NCKAP1L: variants seen among roughly 807,000 people sequenced by gnomAD.
NCKAP1L encodes nck-associated protein 1-like.
In NCKAP1L, 53 loss-of-function variants were observed where a neutral mutation model predicts 139.2. That is an observed-to-expected ratio of 0.38 (90% confidence interval 0.31 to 0.48). The LOEUF is 0.48. Ranked by LOEUF, NCKAP1L falls within the 20% of genes least tolerant of loss-of-function variation. The pLI, the probability that NCKAP1L is intolerant of heterozygous loss-of-function variation, is 0.98. For missense variants in NCKAP1L, 1,151 were observed against 1,381.9 expected (o/e 0.83, Z 2.65); for synonymous variants, 468 against 499.7 (o/e 0.94, Z 0.85).
At position 54,502,880 on chromosome 12, in the gene NCKAP1L, C is replaced by T. The variant is rs1395842717; in HGVS notation, c.306+2255C>T. On this transcript the variant is annotated intron_variant, in intron 3 of 30. Transcript: ENST00000293373. ...GGGCATGGTAGTGAGTGCCTGTAGT[C>T]CCAGCTGCTTAGGAGGCTGAGGCAG... Among the ~76,000 whole-genome samples, 3 of 148,862 alleles carry T rather than the reference C, an allele frequency of 2.0e-5. No homozygotes were observed. The Admixed American group carries it at 2.0e-4, about 10-fold the overall frequency.
At position 54,523,437 on chromosome 12, in the gene NCKAP1L, A is replaced by G. The variant is rs1474694345; in HGVS notation, c.1922A>G (p.Asn641Ser). ...GCCACTACAATCAGCAAAGCCAAGA[A>G]CAAGAAAACCAGGAAGCAGAGGCAG... is the stretch of plus-strand genomic sequence containing the variant. ...HCATTISKAK[N>S]KKTRKQRQTP... Residue 641 changes from asparagine (N) to serine (S), a missense_variant, in exon 19 of 31, where the codon AAC (asparagine) becomes AGC (serine). Physicochemically the swap from Asn to Ser is conservative, Grantham distance 46 (BLOSUM62 1). Transcript: ENST00000293373. The G allele has an allele frequency of 6.2e-7, 1 of 1,614,190 alleles. No homozygotes were observed. The highest frequency in any genetic ancestry group is 8.5e-7 in the Non-Finnish European group (1 of 1,180,036).
chr12:54,541,980 C>T (rs1957161366), intron 30 of NCKAP1L, among the ~76,000 whole-genome samples: 1 of 151,894 alleles, frequency 6.6e-6, no homozygotes, highest in South Asian at 2.1e-4. Flanking sequence ...CTCCGGGCAT[C>T]TTGATCTATC....
chr12:54,518,853 A>G, intron 14 of NCKAP1L, 61 bp from the exon 15 acceptor site: 1 of 1,504,486 alleles, frequency 6.6e-7, no homozygotes. Flanking sequence ...CTACCATTCT[A>G]TGTAGTTGGA....
intron 7 of NCKAP1L, among the ~76,000 whole-genome samples, chr12:54,511,078 A>G (rs1956884765): frequency 6.6e-6 from 1 of 152,250 alleles, no homozygotes; most frequent in Admixed American, 6.5e-5. Flanking sequence ...CTGATGGTAC[A>G]TGATTAGTGA....
chr12:54,534,886 C>T (rs1957102011), intron 26 of NCKAP1L, among the ~76,000 whole-genome samples: 1 of 152,044 alleles, frequency 6.6e-6, no homozygotes, highest in Non-Finnish European at 1.5e-5. Context: ...CCTGTAATCC[C>T]AGCACTTTGG....
At chr12:54,523,297 A>G in intron 18 of NCKAP1L, 97 bp from the exon 19 acceptor site, 1 of 1,391,092 alleles carries the variant, frequency 7.2e-7, no homozygotes, top group East Asian at 2.3e-5. Flanking sequence ...GAAAGATAAA[A>G]TAACAGACAA....
intron 9 of NCKAP1L, among the ~76,000 whole-genome samples, chr12:54,515,013 A>G (rs1331498806): frequency 1.3e-5 from 2 of 152,202 alleles, no homozygotes; most frequent in Admixed American, 1.3e-4. Context: ...AAATGATCTA[A>G]TTTATCTTCA....
Position 54,497,881 on chromosome 12 carries a change from A to G in NCKAP1L, c.92A>G (p.Asn31Ser), listed in dbSNP as rs1319664341. ...CAGGGGGTTCTCATCCGTATGTATAACATCAAGAAGGTAAGCATGAACAAT... is the reference window on the plus strand; with the variant it reads ...CAGGGGGTTCTCATCCGTATGTATAGCATCAAGAAGGTAAGCATGAACAAT... Reference protein sequence around the residue: ...RGQGVLIRMYNIKKTCSDPKS... With the variant: ...RGQGVLIRMYSIKKTCSDPKS... Residue 31 changes from asparagine to serine, a missense_variant, in exon 1 of 31, where the codon AAC (asparagine) becomes AGC (serine). Asn to Ser is a conservative substitution (Grantham distance 46, BLOSUM62 1). Transcript: ENST00000293373. 1 of 1,599,376 alleles carries G rather than the reference A, an allele frequency of 6.3e-7. No homozygotes were observed. Among genetic ancestry groups the G allele is most frequent in the African/African-American group, 1.3e-5 (1 of 74,628 alleles).
chr12:54,528,439 T>C, intron 22 of NCKAP1L, 62 bp downstream of exon 22: 2 of 1,571,076 alleles, frequency 1.3e-6, no homozygotes, highest in East Asian at 4.5e-5. Flanking sequence ...GCACAGAGAA[T>C]AAAAGACTAG....
At chr12:54,516,404 C>T in intron 10 of NCKAP1L, 109 bp downstream of exon 10, 1 of 986,076 alleles carries the variant, frequency 1.0e-6, no homozygotes, top group Non-Finnish European at 1.6e-6. Context: ...ATTGCCTCAA[C>T]CCAAGAACTT....
Position 54,517,566 on chromosome 12 carries a change from C to T in NCKAP1L, c.1129C>T (p.Arg377Cys), listed in dbSNP as rs1956943678. The T allele has an allele frequency of 3.1e-6, 5 of 1,613,980 alleles. No individual in the cohort carries two copies. The highest frequency in any genetic ancestry group is 4.2e-6 in the Non-Finnish European group (5 of 1,180,000). ...LFAFMALSFI[R>C]DEVTWLVRHT... ...TGCTTTCATGGCCCTGTCCTTCATT[C>T]GTGATGAGGTCACCTGGCTGGTTCG... The change falls in exon 12 of 31, where the codon CGT (arginine) becomes TGT (cysteine). Residue 377 changes from arginine (R) to cysteine (C), a missense_variant. Arg to Cys is a radical substitution (Grantham distance 180). Transcript: ENST00000293373.
chr12:54,538,470 C>T (rs1957130728), intron 29 of NCKAP1L, among the ~76,000 whole-genome samples: 1 of 152,142 alleles, frequency 6.6e-6, no homozygotes, highest in African/African-American at 2.4e-5. Flanking sequence ...TGGAGAATAC[C>T]ACGAGCAAGA....
At chr12:54,530,737 C>T (rs1957061751) in intron 22 of NCKAP1L, among the ~76,000 whole-genome samples, 1 of 152,198 alleles carries the variant, frequency 6.6e-6, no homozygotes, top group Admixed American at 6.5e-5. Context: ...CCTTCCTATG[C>T]CACATAATTC....
At chr12:54,523,609 G>A (rs1957004040) in intron 19 of NCKAP1L, 70 bp downstream of exon 19, 3 of 1,385,782 alleles carry the variant, frequency 2.2e-6, no homozygotes, top group African/African-American at 1.5e-5. Flanking sequence ...AAGAGGGAAG[G>A]TGACACAGAA....
At chr12:54,498,771 C>T (rs963708061) in intron 1 of NCKAP1L, 1 of 985,066 alleles carries the variant, frequency 1.0e-6, no homozygotes, top group African/African-American at 1.7e-5. Context: ...GGCGGGGAAA[C>T]AGCTTCCTCT....
rs755898531 is a variant in NCKAP1L, at chr12:54,499,347, C to T, written c.103-8C>T. ...AAGGGTTGAAATATATATGGTTTCT[C>T]TCTGCAGACTTGTTCAGACCCCAAA... On this transcript the variant is annotated splice_region_variant and splice_polypyrimidine_tract_variant and intron_variant, in intron 1 of 30. Transcript: ENST00000293373. 13 of 1,469,206 alleles carry T rather than the reference C, an allele frequency of 8.8e-6. No individual in the cohort carries two copies. The East Asian group carries it at 1.8e-4, about 20-fold the overall frequency. The allele number at this position is 1,469,206 out of a possible 1,614,324, so 91.0% of individuals were successfully genotyped here.
intron 3 of NCKAP1L, among the ~76,000 whole-genome samples, chr12:54,502,433 A>G (rs1956805430): frequency 6.6e-6 from 1 of 152,330 alleles, no homozygotes; most frequent in South Asian, 2.1e-4. Flanking sequence ...AATTTCTAGT[A>G]TAGTACAATG....
chr12:54,508,613 A>G lies in NCKAP1L; in HGVS notation c.506+82A>G. 5 of 1,396,648 alleles carry G rather than the reference A, an allele frequency of 3.6e-6. No homozygotes were observed. In the South Asian group the frequency reaches 5.1e-5, roughly 14 times the overall value. 86.5% of individuals were successfully genotyped at this position (1,396,648 alleles called of 1,614,324 possible). A position where few individuals can be genotyped will look rare whatever the true frequency, so the allele number is the denominator to read the frequency against. ...AGAGTCCCTCATGCAAAGGAAATTG[A>G]TGCCATGATTTCTTATATGAGAACC... On this transcript the variant is annotated intron_variant, in intron 5 of 30. Coordinates refer to ENST00000293373, the MANE Select transcript of NCKAP1L (RefSeq NM_005337.5).
In NCKAP1L at chr12:54,521,937, A is replaced by G. The variant is rs183429834; in HGVS notation, c.1878+699A>G. 8.6e-5 allele frequency among the ~76,000 whole-genome samples: 13 copies of G among 151,636 alleles called. 1 individual carries two copies. Among genetic ancestry groups the G allele is most frequent in the Admixed American group, 7.9e-4 (12 of 15,208 alleles). Reference sequence around the variant, plus strand: ...GTGTATACAGATGCACAGTTACATTATTACTTAACCTTTTTATTTTTCATA... The same window carrying G: ...GTGTATACAGATGCACAGTTACATTGTTACTTAACCTTTTTATTTTTCATA... On this transcript the variant is annotated intron_variant, in intron 18 of 30. Coordinates refer to ENST00000293373, the MANE Select transcript of NCKAP1L (RefSeq NM_005337.5).
Sources: allele counts gnomAD v4.1 joint callset (sites outside exome capture counted in the v4.1 genomes callset), GRCh38; gene constraint gnomAD v4.1.1; transcripts MANE v1.5; gene names NCBI Gene and HGNC (gene_info 2026-07-23, HGNC 2026-07-21).